Variants in RABGAP1L observed in about 807,000 individuals in gnomAD.
RABGAP1L encodes the protein RAB GTPase activating protein 1 like.
Under a neutral mutation model 137.7 loss-of-function variants are expected in RABGAP1L, and 63 were observed. The observed-to-expected ratio is 0.46, with a 90% CI of 0.37 to 0.56. The LOEUF is 0.56. Among genes scored for constraint, RABGAP1L ranks in the 20% least tolerant of loss-of-function variants. The pLI is 0.00. For synonymous variants in RABGAP1L, 431 were observed against 433.7 expected, an observed-to-expected ratio of 0.99 and a Z score of 0.08; for missense variants, 1,095 against 1,244.0, an observed-to-expected ratio of 0.88 and a Z score of 1.80.
At chr1:174,959,436 T>C (rs1231379071) in intron 20 of RABGAP1L, among the ~76,000 whole-genome samples, 1 of 152,204 alleles carries the variant, frequency 6.6e-6, no homozygotes, top group Admixed American at 6.5e-5. Context: ...ATTGAACTTG[T>C]TATTGTGTCT....
Position 174,278,761 on chromosome 1 carries a change from C to T in RABGAP1L, c.1305C>T (p.Phe435=), listed in dbSNP as rs1675230704. The T allele has an allele frequency of 6.4e-7, 1 of 1,571,096 alleles. No individual in the cohort carries two copies. The part of the protein sequence containing the change: ...YFSRKTFTET[F]FMRLKQSEGK... ...GCAGAAAGACTTTCACAGAGACTTT[C>T]TTCATGAGATTGAAACAGGTAGGAC... The change falls in exon 10 of 26, where the codon TTC becomes TTT. Residue 435 remains phenylalanine, a synonymous_variant. Transcript: ENST00000681986.
At chr1:174,481,471 C>T (rs961041324) in intron 13 of RABGAP1L, among the ~76,000 whole-genome samples, 2 of 152,154 alleles carry the variant, frequency 1.3e-5, no homozygotes, top group Non-Finnish European at 2.9e-5. Flanking sequence ...ACAGATCCTA[C>T]CTATGCTCTA....
intron 13 of RABGAP1L, among the ~76,000 whole-genome samples, chr1:174,416,369 A>G (rs917640751): frequency 6.6e-6 from 1 of 152,066 alleles, no homozygotes; most frequent in Non-Finnish European, 1.5e-5. Flanking sequence ...ATCTTGTAGC[A>G]TCATTCTTTA....
At chr1:174,719,274 TTAAAGA>T (rs1450276973) in intron 17 of RABGAP1L, among the ~76,000 whole-genome samples, 1 of 152,218 alleles carries the variant, frequency 6.6e-6, no homozygotes, top group African/African-American at 2.4e-5. Flanking sequence ...TCTTTAATAA[TTAAAGA>T]TAAAATTGGA....
intron 7 of RABGAP1L, among the ~76,000 whole-genome samples, chr1:174,253,198 A>G (rs1246160209): frequency 6.6e-6 from 1 of 152,170 alleles, no homozygotes; most frequent in Non-Finnish European, 1.5e-5. Context: ...GATCAGAGGA[A>G]AGCTACTGGA....
intron 19 of RABGAP1L, among the ~76,000 whole-genome samples, chr1:174,844,070 G>A (rs1573464779): frequency 2.0e-5 from 3 of 151,328 alleles, no homozygotes; most frequent in Admixed American, 2.0e-4. Flanking sequence ...CTTTTTGATG[G>A]GGTTGTTTTT....
intron 13 of RABGAP1L, chr1:174,548,084 T>C (rs1196397829): frequency 3.2e-6 from 5 of 1,546,656 alleles, no homozygotes; most frequent in African/African-American, 2.7e-5. Flanking sequence ...CAGCTTAGCA[T>C]GAGTGCTTTC....
At chr1:174,719,263 A>G (rs1311549565) in intron 17 of RABGAP1L, among the ~76,000 whole-genome samples, 5 of 152,254 alleles carry the variant, frequency 3.3e-5, no homozygotes, top group African/African-American at 9.6e-5. Context: ...TTTAAAAGAT[A>G]TCTTTAATAA....
intron 13 of RABGAP1L, among the ~76,000 whole-genome samples, chr1:174,485,984 G>T (rs1012005853): frequency 5.3e-5 from 8 of 152,102 alleles, no homozygotes; most frequent in Admixed American, 2.0e-4. Flanking sequence ...TTTCTTTGCT[G>T]GGAAACATTA....
chr1:174,857,440 T>G (rs974966067), intron 19 of RABGAP1L, among the ~76,000 whole-genome samples: 17 of 152,280 alleles, frequency 1.1e-4, no homozygotes, highest in African/African-American at 4.1e-4. Context: ...GGCTTTCATT[T>G]CCCCAGCTGT....
chr1:174,796,244 C>T (rs1688233512), intron 18 of RABGAP1L, among the ~76,000 whole-genome samples: 2 of 152,170 alleles, frequency 1.3e-5, no homozygotes, highest in South Asian at 4.2e-4. Context: ...GGTAGGAGAT[C>T]CCTTGAGCCC....
intron 11 of RABGAP1L, among the ~76,000 whole-genome samples, chr1:174,321,679 G>T (rs775995107): frequency 1.3e-5 from 2 of 152,218 alleles, no homozygotes; most frequent in East Asian, 1.9e-4. Context: ...GAATAGGTTC[G>T]CTGGGTTGAA....
At chr1:174,901,923 A>T (rs1195745179) in intron 19 of RABGAP1L, among the ~76,000 whole-genome samples, 1 of 151,810 alleles carries the variant, frequency 6.6e-6, no homozygotes, top group Non-Finnish European at 1.5e-5. Flanking sequence ...CAATCAGGCC[A>T]CTCTATCTAT....
rs1033620742 is a variant in RABGAP1L, at chr1:174,957,609, GTC to G, written c.2433+62_2433+63del. 4.7e-5 allele frequency: 66 copies of G among 1,412,554 alleles called. No individual in the cohort carries two copies. The Admixed American group carries it at 1.1e-3, about 25-fold the overall frequency. 87.5% of individuals were successfully genotyped at this position (1,412,554 alleles called of 1,614,324 possible). On this transcript the variant is annotated intron_variant, in intron 20 of 25. Transcript: ENST00000681986. ...TCTTTTTTGTTTTAAATGAGACTGA[GTC>G]TTGCCGTGTTGCCCAGGCTGGTCTT...
rs534906970 is a variant in RABGAP1L at position 174,497,162 on chromosome 1, G to T, written c.1710+103017G>T. Among the ~76,000 whole-genome samples the T allele has an allele frequency of 3.8e-3, 584 of 152,230 alleles. 4 individuals are homozygous for T. The highest frequency in any genetic ancestry group is 0.012 in the African/African-American group (501 of 41,546). ...TTAGCTTTAATATTAATAGAATTTT[G>T]TGTGAGTATATAGCAACTTCTGGTT... On this transcript the variant is annotated intron_variant, in intron 13 of 25. Coordinates refer to ENST00000681986, the MANE Select transcript of RABGAP1L (RefSeq NM_001366446.1).
chr1:174,581,982 G>A (rs1410844254), intron 13 of RABGAP1L, among the ~76,000 whole-genome samples: 2 of 152,166 alleles, frequency 1.3e-5, no homozygotes, highest in Non-Finnish European at 2.9e-5. Flanking sequence ...AGGAAAGAAT[G>A]GTTTGGGGAA....
intron 10 of RABGAP1L, among the ~76,000 whole-genome samples, chr1:174,279,480 A>G (rs1553265511): frequency 6.6e-6 from 1 of 152,148 alleles, no homozygotes; most frequent in Non-Finnish European, 1.5e-5. Context: ...AAGTTTTAAA[A>G]TGCTTGCTGC....
At chr1:174,955,657 T>C (rs1488155979) in intron 19 of RABGAP1L, among the ~76,000 whole-genome samples, 1 of 152,246 alleles carries the variant, frequency 6.6e-6, no homozygotes, top group Non-Finnish European at 1.5e-5. Flanking sequence ...AGCCAAATAC[T>C]GCTAGGTATT....
chr1:174,469,585 T>G (rs1391184031), intron 13 of RABGAP1L, among the ~76,000 whole-genome samples: 1 of 152,196 alleles, frequency 6.6e-6, no homozygotes, highest in Non-Finnish European at 1.5e-5. Context: ...GAAACTTTCC[T>G]GGAAGTGTCT....
Sources: allele counts gnomAD v4.1 joint callset (sites outside exome capture counted in the v4.1 genomes callset), GRCh38; gene constraint gnomAD v4.1.1; transcripts MANE v1.5; gene names NCBI Gene and HGNC (gene_info 2026-07-23, HGNC 2026-07-21).